ARHGEF6: variants seen among roughly 807,000 people sequenced by gnomAD.
ARHGEF6 encodes the protein rho guanine nucleotide exchange factor 6.
Under a neutral mutation model 70.3 loss-of-function variants are expected in ARHGEF6, and 9 were observed. The observed-to-expected ratio is 0.13, with a 90% CI of 0.08 to 0.22. The LOEUF is 0.22. Ranked by LOEUF, ARHGEF6 falls within the 10% of genes least tolerant of loss-of-function variation. The pLI, the probability that ARHGEF6 is intolerant of heterozygous loss-of-function variation, is 1.00. For missense variants in ARHGEF6, 470 were observed against 563.0 expected (o/e 0.83, Z 1.67); for synonymous variants, 201 against 207.8 (o/e 0.97, Z 0.28).
intron 2 of ARHGEF6, among the ~76,000 whole-genome samples, chrX:136,747,924 C>T (rs2077112674): frequency 9.0e-6 from 1 of 111,072 alleles, no homozygotes; most frequent in Non-Finnish European, 1.9e-5. Flanking sequence ...AGCCCAGTTA[C>T]AGGAAGCTCA....
At chrX:136,692,945 G>A (rs1333730130) in intron 9 of ARHGEF6, among the ~76,000 whole-genome samples, 1 of 112,127 alleles carries the variant, frequency 8.9e-6, no homozygotes, top group Admixed American at 9.4e-5. Flanking sequence ...TGCCAACCAA[G>A]AGCATAAAGT....
At chrX:136,754,293 G>C (rs972101673) in intron 2 of ARHGEF6, among the ~76,000 whole-genome samples, 3 of 111,380 alleles carry the variant, frequency 2.7e-5, no homozygotes, top group Admixed American at 9.6e-5. Flanking sequence ...GAGCAAAAGA[G>C]AACAACTGAT....
intron 8 of ARHGEF6, among the ~76,000 whole-genome samples, chrX:136,707,434 C>T (rs1287117911): frequency 8.9e-6 from 1 of 112,074 alleles, no homozygotes; most frequent in Non-Finnish European, 1.9e-5. Context: ...CTGGTGTTTG[C>T]TACGCAGGGT....
chrX:136,770,708 T>A (rs2077357351), intron 2 of ARHGEF6, among the ~76,000 whole-genome samples: 1 of 112,703 alleles, frequency 8.9e-6, no homozygotes, highest in Non-Finnish European at 1.9e-5. Flanking sequence ...TATTAAAAAA[T>A]CAATAGGGCA....
chrX:136,671,933 C>G (rs995024821), intron 20 of ARHGEF6, 87 bp downstream of exon 20: 1 of 768,370 alleles, frequency 1.3e-6, no homozygotes, highest in African/African-American at 2.1e-5. Context: ...TGTCCCTCAT[C>G]ATAGACTCTC....
intron 19 of ARHGEF6, 96 bp downstream of exon 19, chrX:136,674,911 G>A (rs2148570370): frequency 1.3e-6 from 1 of 798,699 alleles, no homozygotes; most frequent in East Asian, 3.2e-5. Flanking sequence ...TCCACACCCT[G>A]CAACCCATCC....
intron 10 of ARHGEF6, among the ~76,000 whole-genome samples, chrX:136,690,157 G>A (rs1458773616): frequency 8.9e-6 from 1 of 111,785 alleles, no homozygotes; most frequent in Non-Finnish European, 1.9e-5. Flanking sequence ...AATGATGGCA[G>A]AATTCTAGAG....
chrX:136,771,486 T>G (rs1280503402), intron 2 of ARHGEF6, among the ~76,000 whole-genome samples: 3 of 112,651 alleles, frequency 2.7e-5, no homozygotes, highest in Non-Finnish European at 5.6e-5. Context: ...TGGCTAATGT[T>G]GTCTTTTCAA....
At chrX:136,775,828 T>C (rs1384751633) in intron 2 of ARHGEF6, among the ~76,000 whole-genome samples, 1 of 111,738 alleles carries the variant, frequency 8.9e-6, no homozygotes, top group Non-Finnish European at 1.9e-5. Flanking sequence ...CTCCTAGATC[T>C]GAAAAATGAA....
At chrX:136,674,335 T>C (rs2097392070) in intron 19 of ARHGEF6, among the ~76,000 whole-genome samples, 2 of 112,864 alleles carry the variant, frequency 1.8e-5, no homozygotes, top group Admixed American at 9.3e-5. Flanking sequence ...AAAGGTATTC[T>C]GAATGTCTAT....
intron 5 of ARHGEF6, 116 bp from the exon 6 acceptor site, chrX:136,732,288 T>C: frequency 1.7e-6 from 1 of 584,962 alleles, no homozygotes; most frequent in Non-Finnish European, 2.9e-6. Flanking sequence ...AATGGAAATG[T>C]ACATTCCTAA....
chrX:136,723,194 G>A (rs914293899), intron 6 of ARHGEF6, among the ~76,000 whole-genome samples: 9 of 111,874 alleles, frequency 8.0e-5, no homozygotes, highest in African/African-American at 2.6e-4. Flanking sequence ...TTTTTGGTGG[G>A]GTGATAACAA....
rs752029886 is a variant in ARHGEF6 at position 136,727,458 on chromosome X, CTTCT to C, written c.732+4640_732+4643del. ...CTTTCTTTCTTTCATTCTTTCTTTC[CTTCT>C]TTCTTTCTCTCTTTCTTTCCTTCTC... is the stretch of plus-strand genomic sequence containing the variant. On this transcript the variant is annotated intron_variant, in intron 6 of 21. Coordinates refer to ENST00000250617, the MANE Select transcript of ARHGEF6 (RefSeq NM_004840.3). 2.4e-3 allele frequency among the ~76,000 whole-genome samples: 193 copies of C among 80,698 alleles called. 6 individuals are homozygous for C. Among genetic ancestry groups the C allele is most frequent in the Admixed American group, 0.019 (132 of 6,784 alleles). The allele number at this position is 80,698 out of a possible 115,157, so 70.1% of individuals were successfully genotyped here. A position where few individuals can be genotyped will look rare whatever the true frequency, so the allele number is the denominator to read the frequency against.
intron 6 of ARHGEF6, among the ~76,000 whole-genome samples, chrX:136,727,061 T>C (rs756767309): frequency 8.9e-6 from 1 of 112,258 alleles, no homozygotes; most frequent in African/African-American, 3.2e-5. Flanking sequence ...GAATAAGCTT[T>C]CAGCTCTTCT....
intron 15 of ARHGEF6, 37 bp from the exon 16 acceptor site, chrX:136,679,697 A>G (rs1009763711): frequency 8.3e-7 from 1 of 1,209,578 alleles, no homozygotes; most frequent in Non-Finnish European, 1.1e-6. Flanking sequence ...GCAATCTGCC[A>G]TCTGAACCCG....
At chrX:136,735,654 T>C (rs889861145) in intron 5 of ARHGEF6, among the ~76,000 whole-genome samples, 3 of 111,775 alleles carry the variant, frequency 2.7e-5, no homozygotes. Flanking sequence ...GTCACACAAA[T>C]ACAGGCATAA....
At position 136,690,697 on chromosome X, in the gene ARHGEF6, G is replaced by T; in HGVS notation, c.1098C>A (p.Ile366=). ...MENQGASSPG[I]LILTTNLSKP... ...TGCTGAGGTTTGTTGTTAAAATGAG[G>T]ATACCTGGGCTCGATGCACCTTGAT... Residue 366 remains isoleucine, a synonymous_variant, in exon 10 of 22, where the codon ATC becomes ATA. Coordinates refer to ENST00000250617, the MANE Select transcript of ARHGEF6 (RefSeq NM_004840.3). The T allele has an allele frequency of 8.3e-7, 1 of 1,210,005 alleles. No homozygotes were observed.
Position 136,744,212 on chromosome X carries a change from C to T in ARHGEF6, c.460-426G>A, listed in dbSNP as rs1387501084. 4.5e-5 allele frequency among the ~76,000 whole-genome samples: 5 copies of T among 111,967 alleles called. No individual in the cohort carries two copies. In the Admixed American group the frequency reaches 4.7e-4, roughly 11 times the overall value. On this transcript the variant is annotated intron_variant, in intron 4 of 21. Transcript: ENST00000250617. ...CTAACCTACCCTCCATAAAATCTGC[C>T]TCCCATCTCCTAATTACTAAGGATA...
At chrX:136,778,932 C>A (rs1168257962) in intron 2 of ARHGEF6, among the ~76,000 whole-genome samples, 2 of 112,144 alleles carry the variant, frequency 1.8e-5, no homozygotes, top group African/African-American at 6.5e-5. Context: ...CTGTAGGGAT[C>A]CATATAATAT....
Sources: gnomAD v4.1 joint callset for allele counts (sites outside exome capture counted in the v4.1 genomes callset) on GRCh38, gnomAD v4.1.1 for gene constraint, MANE v1.5 for transcripts, NCBI Gene and HGNC (gene_info 2026-07-23, HGNC 2026-07-21) for gene names.